The following CELSR1 variants were observed in gnomAD, a reference collection of about 807,000 sequenced individuals.
CELSR1 encodes adhesion G protein-coupled receptor C1.
In CELSR1, 110 loss-of-function variants were observed where a neutral mutation model predicts 249.1. That is an observed-to-expected ratio of 0.44 (90% CI 0.38 to 0.52). The LOEUF (loss-of-function observed/expected upper bound fraction) is 0.52. CELSR1 is among the 20% of genes least tolerant of loss of function. The pLI, the probability that CELSR1 is intolerant of heterozygous loss-of-function variation, is 0.00. For missense variants in CELSR1, 4,109 were observed against 4,296.4 expected, an observed-to-expected ratio of 0.96 and a Z score of 1.22; for synonymous variants, 2,113 against 1,900.0, an observed-to-expected ratio of 1.11 and a Z score of -2.92.
rs559627168 is a variant in CELSR1 at position 46,391,326 on chromosome 22, G to T, written c.6149-39C>A. 2 of 1,568,338 alleles carry T rather than the reference G, an allele frequency of 1.3e-6. No individual in the cohort carries two copies. The highest frequency in any genetic ancestry group is 1.8e-6 in the Non-Finnish European group (2 of 1,141,684). On this transcript the variant is annotated intron_variant, in intron 15 of 34. Coordinates refer to ENST00000674500, the MANE Select transcript of CELSR1 (RefSeq NM_001378328.1). This position sits in a 1 kb window ranked among gnomAD's most constrained non-coding sequence, Gnocchi z 4.3. ...GAGAGAAGTCTGCTCAGCGGGGCACGCCACACCCACGACCACAAACAGGCA... is the reference window on the plus strand; with the variant it reads ...GAGAGAAGTCTGCTCAGCGGGGCACTCCACACCCACGACCACAAACAGGCA...
chr22:46,404,457 G>A (rs1287234198), intron 9 of CELSR1, among the ~76,000 whole-genome samples: 2 of 152,084 alleles, frequency 1.3e-5, no homozygotes, highest in Non-Finnish European at 2.9e-5. Context: ...CTACATGCTT[G>A]CTAACCTAGA....
chr22:46,531,594 G>A (rs887754237), intron 1 of CELSR1, among the ~76,000 whole-genome samples: 6 of 152,220 alleles, frequency 3.9e-5, no homozygotes, highest in African/African-American at 1.4e-4. Context: ...GGAAGAGAGG[G>A]GAATGCGAAG....
chr22:46,413,036 C>T lies in CELSR1; in HGVS notation c.4612-1277G>A, dbSNP rs116218623. Among the ~76,000 whole-genome samples, 2,520 of 152,228 alleles carry T rather than the reference C, an allele frequency of 0.017. 67 individuals are homozygous for T. The highest frequency in any genetic ancestry group is 0.061 in the Middle Eastern group (18 of 294). On this transcript the variant is annotated intron_variant, in intron 5 of 34. Transcript: ENST00000674500. This position sits in a 1 kb window ranked among gnomAD's most constrained non-coding sequence, Gnocchi z 4.7. ...CCACCACCCCTATAAAGGATGGGTT[C>T]GATGCCTCCTCCTGATAGTTCTGGG...
At position 46,381,669 on chromosome 22, in the gene CELSR1, A is replaced by T. The variant is rs2078979032; in HGVS notation, c.7088+177T>A. 6.6e-6 allele frequency among the ~76,000 whole-genome samples: 1 copy of T among 152,120 alleles called. No individual in the cohort carries two copies. Among genetic ancestry groups the T allele is most frequent in the Admixed American group, 6.5e-5 (1 of 15,268 alleles). ...TCCAGGGTGTGGTATCCTGTGGCAG[A>T]CCCAGAATCTCCCTCCAAGGACCAC... On this transcript the variant is annotated intron_variant, in intron 21 of 34. Coordinates refer to ENST00000674500, the MANE Select transcript of CELSR1 (RefSeq NM_001378328.1). The surrounding 1 kb of genome is among the most constrained non-coding windows in gnomAD (Gnocchi z 6.0).
rs2080861466 is a variant in CELSR1 at position 46,536,721 on chromosome 22, C to A, written c.450G>T (p.Pro150=). 2 of 1,159,226 alleles carry A rather than the reference C, an allele frequency of 1.7e-6. No homozygotes were observed. The highest frequency in any genetic ancestry group is 2.1e-6 in the Non-Finnish European group (2 of 943,542). 71.8% of individuals were successfully genotyped at this position (1,159,226 alleles called of 1,614,324 possible). A position where few individuals can be genotyped will look rare whatever the true frequency, so the allele number is the denominator to read the frequency against. The part of the protein sequence containing the change: ...AAAQHSALAA[P]TTLPACRCPP... ...GGCAGCGGCAGGCGGGTAAGGTGGT[C>A]GGAGCTGCGAGCGCCGAATGCTGCG... Residue 150 remains proline (P), a synonymous_variant, in exon 1 of 35, where the codon CCG becomes CCT. Coordinates refer to ENST00000674500, the MANE Select transcript of CELSR1 (RefSeq NM_001378328.1).
At chr22:46,384,936 A>G (rs2079016935) in intron 19 of CELSR1, among the ~76,000 whole-genome samples, 1 of 151,588 alleles carries the variant, frequency 6.6e-6, no homozygotes, top group African/African-American at 2.4e-5. Context: ...GATTACAGGC[A>G]GGCACCACCA....
rs575393918 is a variant in CELSR1 at position 46,518,930 on chromosome 22, G to A, written c.3544+14697C>T. 6.6e-6 allele frequency among the ~76,000 whole-genome samples: 1 copy of A among 152,264 alleles called. No homozygotes were observed. The highest frequency in any genetic ancestry group is 2.1e-4 in the South Asian group (1 of 4,824). On this transcript the variant is annotated intron_variant, in intron 1 of 34. Transcript: ENST00000674500. This position sits in a 1 kb window ranked among gnomAD's most constrained non-coding sequence, Gnocchi z 5.2. ...TGCCTGTAATCCCAGCTACTCGGGAGGCAGAGGCAGGAGAATCGCTTAAAC... is the reference window on the plus strand; with the variant it reads ...TGCCTGTAATCCCAGCTACTCGGGAAGCAGAGGCAGGAGAATCGCTTAAAC...
intron 1 of CELSR1, among the ~76,000 whole-genome samples, chr22:46,465,584 C>T (rs1487785854): frequency 1.3e-5 from 2 of 152,202 alleles, no homozygotes; most frequent in East Asian, 1.9e-4. Flanking sequence ...CAAGGCACAG[C>T]GGCACGCGGG....
At chr22:46,463,440 G>A (rs765370711) in intron 2 of CELSR1, among the ~76,000 whole-genome samples, 12 of 151,902 alleles carry the variant, frequency 7.9e-5, no homozygotes, top group Non-Finnish European at 5.9e-5. Context: ...CGCTTGAACC[G>A]AGGAGGCGGA....
intron 22 of CELSR1, among the ~76,000 whole-genome samples, 185 bp from the exon 23 acceptor site, chr22:46,378,902 C>T (rs1233386037): frequency 6.6e-6 from 1 of 152,146 alleles, no homozygotes. Context: ...CCTCACCAGC[C>T]CCCTACACCG....
Position 46,488,648 on chromosome 22 carries a change from C to T in CELSR1, c.3545-24303G>A, listed in dbSNP as rs905354713. Among the ~76,000 whole-genome samples, 1 of 145,630 alleles carries T rather than the reference C, an allele frequency of 6.9e-6. No homozygotes were observed. Among genetic ancestry groups the T allele is most frequent in the Non-Finnish European group, 1.5e-5 (1 of 66,824 alleles). On this transcript the variant is annotated intron_variant, in intron 1 of 34. Transcript: ENST00000674500. The surrounding 1 kb of genome is among the most constrained non-coding windows in gnomAD (Gnocchi z 4.7). ...TCTACGGCACAGCAGTGACCACTCC[C>T]GTGCCACAGCCCTGCCCTTTTTTTT...
chr22:46,373,685 TG>T (rs1555905684), intron 24 of CELSR1, among the ~76,000 whole-genome samples: 1 of 21,902 alleles, frequency 4.6e-5, no homozygotes, highest in Non-Finnish European at 1.0e-4. Flanking sequence ...ATGGGGGAGA[TG>T]GGGGAGAAGG....
chr22:46,490,022 G>A lies in CELSR1; in HGVS notation c.3545-25677C>T, dbSNP rs1283907199. Among the ~76,000 whole-genome samples, 1 of 152,076 alleles carries A rather than the reference G, an allele frequency of 6.6e-6. No homozygotes were observed. The highest frequency in any genetic ancestry group is 2.4e-5 in the African/African-American group (1 of 41,406). On this transcript the variant is annotated intron_variant, in intron 1 of 34. Transcript: ENST00000674500. The surrounding 1 kb of genome is among the most constrained non-coding windows in gnomAD (Gnocchi z 5.2). Reference sequence around the variant, plus strand: ...CGTCCTCCTGGCCATCTCAGCATCCGCCCCTGCAGTGGGAACACCTAACGT... The same window carrying A: ...CGTCCTCCTGGCCATCTCAGCATCCACCCCTGCAGTGGGAACACCTAACGT...
intron 1 of CELSR1, among the ~76,000 whole-genome samples, chr22:46,521,480 G>A (rs1220985723): frequency 1.3e-5 from 2 of 151,280 alleles, no homozygotes; most frequent in Admixed American, 1.3e-4. Context: ...ACTCCAGCCT[G>A]GGCGACAGAG....
intron 2 of CELSR1, among the ~76,000 whole-genome samples, chr22:46,443,820 G>T (rs2079784688): frequency 6.6e-6 from 1 of 152,370 alleles, no homozygotes; most frequent in Non-Finnish European, 1.5e-5. Flanking sequence ...GTTCACGGGA[G>T]GTGTGACGCT....
chr22:46,519,283 G>A lies in CELSR1; in HGVS notation c.3544+14344C>T, dbSNP rs547646772. Among the ~76,000 whole-genome samples, 14 of 152,316 alleles carry A rather than the reference G, an allele frequency of 9.2e-5. No individual in the cohort carries two copies. The South Asian group carries it at 1.2e-3, about 14-fold the overall frequency. ...CTCACATTAAAATGGTTAACTTCAC[G>A]TTCTGTGAATTCCACCTCCGTAGAA... On this transcript the variant is annotated intron_variant, in intron 1 of 34. Transcript: ENST00000674500.
At chr22:46,370,432 C>T (rs7284179) in intron 25 of CELSR1, among the ~76,000 whole-genome samples, 9,195 of 152,046 alleles carry the variant, frequency 0.06, 876 homozygotes, top group African/African-American at 0.21. Flanking sequence ...CACACACACA[C>T]CCCCGAAACT....
chr22:46,397,759 C>A lies in CELSR1; in HGVS notation c.5616G>T (p.Val1872=). 1 of 1,602,242 alleles carries A rather than the reference C, an allele frequency of 6.2e-7. No individual in the cohort carries two copies. Among genetic ancestry groups the A allele is most frequent in the Non-Finnish European group, 8.5e-7 (1 of 1,173,884 alleles). The change falls in exon 12 of 35, where the codon GTG becomes GTT. Residue 1872 remains valine (V), a synonymous_variant. Transcript: ENST00000674500. Reference sequence around the variant, plus strand: ...AGGGGCTCGAGGTACAGGGGTCGTCCACATCACAGCCGTCCTTCACCCTGA... The same window carrying A: ...AGGGGCTCGAGGTACAGGGGTCGTCAACATCACAGCCGTCCTTCACCCTGA... The part of the protein sequence containing the change: ...LKVRVKDGCD[V]DDPCTSSPCP...
At chr22:46,463,286 C>T (rs1008858435) in intron 2 of CELSR1, among the ~76,000 whole-genome samples, 29 of 152,140 alleles carry the variant, frequency 1.9e-4, no homozygotes, top group African/African-American at 6.0e-4. Context: ...GAGGCTGAGG[C>T]GGGTGGATCA....
Sources: allele counts gnomAD v4.1 joint callset (sites outside exome capture counted in the v4.1 genomes callset), GRCh38; gene constraint gnomAD v4.1.1; non-coding constraint Gnocchi (gnomAD v3.1); transcripts MANE v1.5; gene names NCBI Gene and HGNC (gene_info 2026-07-23, HGNC 2026-07-21).